Variants in FAM117A observed in about 807,000 individuals in gnomAD.
FAM117A encodes the protein protein FAM117A.
Under a neutral mutation model 44.1 loss-of-function variants are expected in FAM117A, and 21 were observed. That is an observed-to-expected ratio of 0.48 (90% CI 0.34 to 0.69). The LOEUF (loss-of-function observed/expected upper bound fraction) is 0.69. Ranked by LOEUF, FAM117A falls within the 30% of genes least tolerant of loss-of-function variation. The pLI is 0.01. For synonymous variants in FAM117A, 220 were observed against 238.3 expected (o/e 0.92, Z 0.71); for missense variants, 498 against 589.9 (o/e 0.84, Z 1.61).
intron 1 of FAM117A, among the ~76,000 whole-genome samples, chr17:49,751,696 C>T (rs2073678234): frequency 6.6e-6 from 1 of 152,068 alleles, no homozygotes; most frequent in Non-Finnish European, 1.5e-5. Context: ...GTAATCCCAG[C>T]ACTTGGGGAG....
intron 1 of FAM117A, among the ~76,000 whole-genome samples, chr17:49,761,426 G>A (rs374132860): frequency 1.3e-5 from 2 of 152,158 alleles, no homozygotes; most frequent in South Asian, 2.1e-4. Flanking sequence ...ATAAGCAGCA[G>A]CAAACACTTT....
chr17:49,783,063 G>T (rs188161234), intron 1 of FAM117A, among the ~76,000 whole-genome samples: 1 of 152,304 alleles, frequency 6.6e-6, no homozygotes, highest in East Asian at 1.9e-4. Context: ...AAAAATGAAG[G>T]TTTATCCATA....
At chr17:49,767,503 C>T (rs1030050832), upstream of FAM117A, among the ~76,000 whole-genome samples, 7 of 152,188 alleles carry the variant, frequency 4.6e-5, no homozygotes, top group African/African-American at 1.2e-4. Context: ...GGCCTTGAAG[C>T]CTGTATGCAG....
intron 2 of FAM117A, among the ~76,000 whole-genome samples, chr17:49,725,576 T>A (rs1017729669): frequency 3.9e-5 from 6 of 152,152 alleles, no homozygotes; most frequent in Non-Finnish European, 7.4e-5. Flanking sequence ...GAGTGAGTCA[T>A]GTGCGTATCT....
chr17:49,747,905 G>A (rs1259193537), intron 1 of FAM117A, among the ~76,000 whole-genome samples: 3 of 152,240 alleles, frequency 2.0e-5, no homozygotes, highest in African/African-American at 4.8e-5. Context: ...CAAAGGTTAT[G>A]TAGTGCCTCC....
intron 7 of FAM117A, among the ~76,000 whole-genome samples, chr17:49,711,956 C>A (rs1344843547): frequency 6.6e-6 from 1 of 152,154 alleles, no homozygotes. Context: ...ACCAGCCTGG[C>A]CGACATGGTG....
chr17:49,782,219 CA>C (rs1405793767), intron 1 of FAM117A, among the ~76,000 whole-genome samples: 8 of 149,028 alleles, frequency 5.4e-5, no homozygotes, highest in Non-Finnish European at 6.0e-5. Context: ...ACTAAAAATA[CA>C]AAAAAAAATT....
chr17:49,755,154 C>T (rs2073693898), intron 1 of FAM117A, among the ~76,000 whole-genome samples: 4 of 152,030 alleles, frequency 2.6e-5, no homozygotes, highest in Admixed American at 6.6e-5. Flanking sequence ...CCAGGGCCTG[C>T]GAAGTGGTAA....
chr17:49,720,219 A>G, intron 4 of FAM117A, 107 bp downstream of exon 4: 2 of 857,152 alleles, frequency 2.3e-6, no homozygotes, highest in Non-Finnish European at 3.6e-6. Context: ...CAAAGCATGC[A>G]GTGTGGTAGG....
At chr17:49,713,561 C>G (rs2073488036) in intron 7 of FAM117A, among the ~76,000 whole-genome samples, 1 of 151,960 alleles carries the variant, frequency 6.6e-6, no homozygotes, top group Admixed American at 6.6e-5. Flanking sequence ...CGCTGGAGTG[C>G]AGTGGTGCAA....
chr17:49,721,762 T>C (rs1301159481), intron 3 of FAM117A, among the ~76,000 whole-genome samples: 1 of 152,072 alleles, frequency 6.6e-6, no homozygotes, highest in African/African-American at 2.4e-5. Context: ...GAAAAAGTGT[T>C]TGGGAGCATT....
chr17:49,784,410 A>T (rs1406287542), intron 1 of FAM117A, among the ~76,000 whole-genome samples: 1 of 152,138 alleles, frequency 6.6e-6, no homozygotes, highest in Non-Finnish European at 1.5e-5. Flanking sequence ...GCTAAAATGC[A>T]TGTCTGACTG....
At chr17:49,782,940 T>A (rs1300182164) in intron 1 of FAM117A, among the ~76,000 whole-genome samples, 1 of 152,180 alleles carries the variant, frequency 6.6e-6, no homozygotes, top group African/African-American at 2.4e-5. Flanking sequence ...AGGTGTTAAA[T>A]AAACATTTGT....
intron 1 of FAM117A, among the ~76,000 whole-genome samples, chr17:49,783,391 A>C (rs190425217): frequency 6.6e-6 from 1 of 152,272 alleles, no homozygotes; most frequent in East Asian, 1.9e-4. Flanking sequence ...ACTGCTATTG[A>C]ATCAAGATCA....
intron 7 of FAM117A, among the ~76,000 whole-genome samples, chr17:49,713,016 C>T (rs538783877): frequency 1.7e-4 from 26 of 152,302 alleles, no homozygotes; most frequent in African/African-American, 5.1e-4. Context: ...GCTGGGATTA[C>T]AGATGCCTGC....
At chr17:49,738,596 G>C (rs889361517) in intron 1 of FAM117A, among the ~76,000 whole-genome samples, 8 of 152,130 alleles carry the variant, frequency 5.3e-5, no homozygotes, top group Non-Finnish European at 1.0e-4. Context: ...CTGGGCCTCA[G>C]CCTTATTTCC....
chr17:49,768,914 C>T (rs2073752949), upstream of FAM117A, among the ~76,000 whole-genome samples: 1 of 152,244 alleles, frequency 6.6e-6, no homozygotes, highest in South Asian at 2.1e-4. Flanking sequence ...GTTCCTTCTT[C>T]ATTCAGACTG....
intron 1 of FAM117A, among the ~76,000 whole-genome samples, chr17:49,788,115 T>C (rs2073829091): frequency 2.0e-5 from 3 of 152,244 alleles, no homozygotes; most frequent in African/African-American, 7.2e-5. Flanking sequence ...ACTCACTTGC[T>C]GTTAGCTAAG....
intron 6 of FAM117A, 70 bp from the exon 7 acceptor site, chr17:49,716,385 G>A: frequency 7.2e-7 from 1 of 1,380,398 alleles, no homozygotes; most frequent in Middle Eastern, 1.9e-4. Context: ...GTCCAGGACT[G>A]AGGTGTAAAG....
Sources: allele counts gnomAD v4.1 joint callset (sites outside exome capture counted in the v4.1 genomes callset), GRCh38; gene constraint gnomAD v4.1.1; transcripts MANE v1.5; gene names NCBI Gene and HGNC (gene_info 2026-07-23, HGNC 2026-07-21).